LNX1: variants seen among roughly 807,000 people sequenced by gnomAD.
LNX1 encodes ligand of numb-protein X 1.
A neutral mutation model predicts 68.4 loss-of-function variants in LNX1; 54 were observed. That is an observed-to-expected ratio of 0.79 (90% CI 0.63 to 0.99). The LOEUF (loss-of-function observed/expected upper bound fraction) is 0.99, where lower values mean the gene tolerates loss of function less well. Among genes scored for constraint, LNX1 ranks in the 50% least tolerant of loss-of-function variants. The pLI is 0.00. For synonymous variants in LNX1, 336 were observed against 350.0 expected, an observed-to-expected ratio of 0.96 and a Z score of 0.45; for missense variants, 906 against 926.4, an observed-to-expected ratio of 0.98 and a Z score of 0.29.
Position 53,645,405 on chromosome 4 carries a change from T to C in LNX1, c.-215+6763A>G, listed in dbSNP as rs535902469. Among the ~76,000 whole-genome samples, 22 of 152,250 alleles carry C rather than the reference T, an allele frequency of 1.4e-4. No individual in the cohort carries two copies. In the Middle Eastern group the frequency reaches 0.01, roughly 71 times the overall value. On this transcript the variant is annotated intron_variant, in intron 1 of 2. Coordinates refer to the LNX1 transcript ENST00000507168. The stretch of plus-strand genomic sequence containing the variant: ...GCTGTGGGCTGTTCTCAGCATTAAG[T>C]TGTCAGTGTGCACTACCATTGGGGT...
intron 1 of LNX1, among the ~76,000 whole-genome samples, chr4:53,579,460 G>A (rs1389714284): frequency 2.6e-5 from 4 of 152,100 alleles, no homozygotes; most frequent in African/African-American, 4.8e-5. Context: ...CCTAATCCCT[G>A]CTTCCTTTCC....
At chr4:53,612,909 G>A (rs553612162) in intron 2 of LNX1, among the ~76,000 whole-genome samples, 1 of 151,684 alleles carries the variant, frequency 6.6e-6, no homozygotes, top group Non-Finnish European at 1.5e-5. Flanking sequence ...GAAGAAATTA[G>A]TTGTGCTAGT....
intron 2 of LNX1, among the ~76,000 whole-genome samples, chr4:53,520,049 T>C (rs991764776): frequency 6.6e-6 from 1 of 152,224 alleles, no homozygotes; most frequent in African/African-American, 2.4e-5. Context: ...CCTTTGTGGA[T>C]GTTCTGTCCC....
chr4:53,532,908 C>T (rs558212499), intron 2 of LNX1, among the ~76,000 whole-genome samples: 3 of 152,174 alleles, frequency 2.0e-5, no homozygotes, highest in Admixed American at 2.0e-4. Context: ...CAAATATTTC[C>T]TCCTCTGGGA....
At position 53,461,604 on chromosome 4, in the gene LNX1, A is replaced by T. The variant is rs544267232; in HGVS notation, c.1893-11T>A. ...CAGTTATACAAGCACCTGAAATAGA[A>T]TGTAATCAGTGTACATGCATATTTA... On this transcript the variant is annotated splice_polypyrimidine_tract_variant and intron_variant, in intron 9 of 10. Transcript: ENST00000263925. The T allele has an allele frequency of 6.2e-7, 1 of 1,602,054 alleles. No homozygotes were observed. The highest frequency in any genetic ancestry group is 1.1e-5 in the South Asian group (1 of 90,350).
intron 1 of LNX1, among the ~76,000 whole-genome samples, chr4:53,628,020 A>G (rs534977008): frequency 6.6e-6 from 1 of 152,328 alleles, no homozygotes; most frequent in South Asian, 2.1e-4. Flanking sequence ...TCGGTTTACA[A>G]CACTCCAACT....
At chr4:53,563,356 G>A (rs548578775) in intron 2 of LNX1, among the ~76,000 whole-genome samples, 1 of 152,296 alleles carries the variant, frequency 6.6e-6, no homozygotes, top group South Asian at 2.1e-4. Context: ...AGGCCTCACA[G>A]AGAAAAGTAA....
chr4:53,514,672 C>A (rs1487898707), intron 2 of LNX1, among the ~76,000 whole-genome samples: 2 of 151,904 alleles, frequency 1.3e-5, no homozygotes, highest in Non-Finnish European at 2.9e-5. Context: ...ACAGTCAAAC[C>A]ATATCAGGGG....
chr4:53,642,386 T>C (rs1372910318), intron 1 of LNX1, among the ~76,000 whole-genome samples: 1 of 152,128 alleles, frequency 6.6e-6, no homozygotes, highest in Non-Finnish European at 1.5e-5. Context: ...AAATTCAACA[T>C]GTAGGTAACA....
At chr4:53,588,344 C>T (rs913966034) in intron 1 of LNX1, among the ~76,000 whole-genome samples, 1 of 152,158 alleles carries the variant, frequency 6.6e-6, no homozygotes, top group Non-Finnish European at 1.5e-5. Flanking sequence ...AGGTACCATT[C>T]CAAGCACTTT....
At chr4:53,508,662 GCTC>G (rs1726102303) in intron 2 of LNX1, among the ~76,000 whole-genome samples, 1 of 152,138 alleles carries the variant, frequency 6.6e-6, no homozygotes, top group Admixed American at 6.5e-5. Flanking sequence ...TAAATATAAA[GCTC>G]CTCCCAGATT....
chr4:53,538,606 C>T lies in LNX1; in HGVS notation c.381-30379G>A, dbSNP rs547800801. On this transcript the variant is annotated intron_variant, in intron 2 of 10. Coordinates refer to ENST00000263925, the MANE Select transcript of LNX1 (RefSeq NM_001126328.3). Reference sequence around the variant, plus strand: ...ACTTGCTCTGTTAGATTGCTTAAACCTAGTATCATGGCATGCATTTGGTTA... The same window carrying T: ...ACTTGCTCTGTTAGATTGCTTAAACTTAGTATCATGGCATGCATTTGGTTA... Among the ~76,000 whole-genome samples the T allele has an allele frequency of 2.6e-4, 40 of 152,324 alleles. No individual in the cohort carries two copies. In the South Asian group the frequency reaches 6.6e-3, roughly 25 times the overall value.
chr4:53,490,113 C>A (rs1248619664), intron 6 of LNX1, among the ~76,000 whole-genome samples: 4 of 138,788 alleles, frequency 2.9e-5, no homozygotes, highest in Non-Finnish European at 6.2e-5. Context: ...GAAATGAATT[C>A]TCATTTAAAT....
intron 2 of LNX1, among the ~76,000 whole-genome samples, chr4:53,542,519 A>G (rs557956554): frequency 1.3e-5 from 2 of 152,334 alleles, no homozygotes; most frequent in African/African-American, 4.8e-5. Flanking sequence ...CTGAATCAAT[A>G]CTCTGACTGA....
At chr4:53,469,423 T>G (rs1560612165) in intron 9 of LNX1, among the ~76,000 whole-genome samples, 2 of 151,988 alleles carry the variant, frequency 1.3e-5, no homozygotes, top group African/African-American at 4.8e-5. Context: ...ACATCACAAT[T>G]AAAAGAACTA....
In LNX1 at chr4:53,478,637, A is replaced by T; in HGVS notation, c.1591T>A (p.Trp531Arg). The T allele has an allele frequency of 6.2e-7, 1 of 1,614,012 alleles. No homozygotes were observed. The highest frequency in any genetic ancestry group is 1.7e-5 in the Admixed American group (1 of 60,012). ...CTGATGACATAGATAGGCAAATCCC[A>T]TTCTCTATGTGATGCTCCCCCTGCG... ...TVAGGASHRE[W>R]DLPIYVISVE... The change falls in exon 8 of 11, where the codon TGG becomes AGG. Residue 531 changes from tryptophan to arginine, a missense_variant. Trp to Arg is a moderately radical substitution (Grantham distance 101, BLOSUM62 -3). Transcript: ENST00000263925.
intron 6 of LNX1, among the ~76,000 whole-genome samples, chr4:53,489,162 G>A (rs145741011): frequency 6.6e-6 from 1 of 152,258 alleles, no homozygotes; most frequent in African/African-American, 2.4e-5. Flanking sequence ...TGAAGAGGTG[G>A]TAGCTCCTTC....
intron 1 of LNX1, among the ~76,000 whole-genome samples, chr4:53,638,613 C>G (rs1310949536): frequency 1.3e-5 from 2 of 152,122 alleles, no homozygotes; most frequent in African/African-American, 2.4e-5. Flanking sequence ...TTGTGCTCTT[C>G]ATTGGTGATT....
intron 2 of LNX1, among the ~76,000 whole-genome samples, chr4:53,609,159 A>AAG (rs1250172165): frequency 6.6e-6 from 1 of 152,170 alleles, no homozygotes; most frequent in East Asian, 1.9e-4. Flanking sequence ...GCAATGGGGA[A>AAG]AGGACTCCCG....
Sources: allele counts gnomAD v4.1 joint callset (sites outside exome capture counted in the v4.1 genomes callset), GRCh38; gene constraint gnomAD v4.1.1; transcripts MANE v1.5; gene names NCBI Gene and HGNC (gene_info 2026-07-23, HGNC 2026-07-21).